NPAS3: variants seen among roughly 807,000 people sequenced by gnomAD.
NPAS3 encodes the protein neuronal PAS domain-containing protein 3.
NPAS3 carries 14 observed loss-of-function variants against 73.1 expected under a neutral mutation model. That is an observed-to-expected ratio of 0.19 (90% CI 0.13 to 0.30). The LOEUF (loss-of-function observed/expected upper bound fraction) is 0.30, where lower values mean the gene tolerates loss of function less well. NPAS3 is among the 10% of genes least tolerant of loss of function. The pLI is 1.00. For missense variants in NPAS3, 1,096 were observed against 1,250.0 expected, an observed-to-expected ratio of 0.88 and a Z score of 1.86; for synonymous variants, 620 against 541.5, an observed-to-expected ratio of 1.14 and a Z score of -2.01.
At chr14:33,040,902 A>C in intron 1 of NPAS3, among the ~76,000 whole-genome samples, 1 of 152,148 alleles carries the variant, frequency 6.6e-6, no homozygotes. Flanking sequence ...AAGCACCCGA[A>C]CTTCTCAATG....
At chr14:33,645,957 A>G (rs772938802) in intron 5 of NPAS3, among the ~76,000 whole-genome samples, 46 of 152,208 alleles carry the variant, frequency 3.0e-4, no homozygotes, top group Admixed American at 4.6e-4. Flanking sequence ...GAAGAAAGAG[A>G]AGTTAATGCC....
intron 3 of NPAS3, among the ~76,000 whole-genome samples, chr14:33,361,787 T>C (rs1458189357): frequency 6.6e-6 from 1 of 152,180 alleles, no homozygotes; most frequent in Non-Finnish European, 1.5e-5. Context: ...ATCCCCTAAA[T>C]AGGAATTTAA....
At chr14:33,403,514 A>G (rs1275802450) in intron 4 of NPAS3, among the ~76,000 whole-genome samples, 4 of 152,100 alleles carry the variant, frequency 2.6e-5, no homozygotes, top group African/African-American at 4.8e-5. Context: ...TAAATAGTTT[A>G]TGTCAGACAT....
intron 5 of NPAS3, chr14:33,582,220 C>G (rs888193488): frequency 6.6e-6 from 1 of 152,098 alleles, no homozygotes; most frequent in East Asian, 1.9e-4. Flanking sequence ...TTCTCATACC[C>G]TTAACGGAAC....
At chr14:33,488,663 A>T (rs2051734558) in intron 4 of NPAS3, among the ~76,000 whole-genome samples, 1 of 152,184 alleles carries the variant, frequency 6.6e-6, no homozygotes. Context: ...CTGTCCTATG[A>T]TGGGAATATT....
Position 33,689,368 on chromosome 14 carries a change from A to G in NPAS3, c.733+12983A>G, listed in dbSNP as rs151017309. ...AATGCTTAAAACAGTAGTACGGCAC[A>G]GAGTCAGTGTTCAGTTAGTATTATT... On this transcript the variant is annotated intron_variant, in intron 6 of 11. Transcript: ENST00000356141. 3.7e-3 allele frequency among the ~76,000 whole-genome samples: 568 copies of G among 152,358 alleles called. 4 individuals carry two copies. The highest frequency in any genetic ancestry group is 6.6e-3 in the Admixed American group (101 of 15,302).
upstream of NPAS3, among the ~76,000 whole-genome samples, chr14:32,939,006 G>A (rs2035834183): frequency 6.8e-6 from 1 of 146,086 alleles, no homozygotes; most frequent in African/African-American, 2.5e-5. Flanking sequence ...AGGCGGCGGC[G>A]GAAGCGGCGA....
intron 2 of NPAS3, among the ~76,000 whole-genome samples, chr14:33,192,481 T>G (rs1294451142): frequency 6.6e-6 from 1 of 152,216 alleles, no homozygotes; most frequent in Non-Finnish European, 1.5e-5. Context: ...CCAGAGTGGA[T>G]GCTGGAAGGT....
chr14:33,149,210 A>T (rs1001689033), intron 2 of NPAS3, among the ~76,000 whole-genome samples: 1 of 152,212 alleles, frequency 6.6e-6, no homozygotes, highest in Non-Finnish European at 1.5e-5. Context: ...TCCATAAGGT[A>T]TGTAAAGGAA....
intron 3 of NPAS3, among the ~76,000 whole-genome samples, chr14:33,219,949 A>G (rs1292212163): frequency 1.3e-5 from 2 of 152,174 alleles, no homozygotes; most frequent in Admixed American, 1.3e-4. Context: ...CTGTGTGCTG[A>G]CATACATTTA....
At position 33,480,722 on chromosome 14, in the gene NPAS3, C is replaced by T. The variant is rs373813222; in HGVS notation, c.469-79399C>T. Reference sequence around the variant, plus strand: ...TCTGTTTTTGGCAGGCATTTAAAACCCTGAAGACATAAACCTCACTTTGTC... The same window carrying T: ...TCTGTTTTTGGCAGGCATTTAAAACTCTGAAGACATAAACCTCACTTTGTC... On this transcript the variant is annotated intron_variant, in intron 4 of 11. Coordinates refer to ENST00000356141, the Ensembl canonical transcript of NPAS3. Among the ~76,000 whole-genome samples, 10 of 151,916 alleles carry T rather than the reference C, an allele frequency of 6.6e-5. No individual in the cohort carries two copies. The East Asian group carries it at 1.9e-3, about 29-fold the overall frequency.
chr14:33,684,072 G>A (rs1303411655), intron 6 of NPAS3, among the ~76,000 whole-genome samples: 1 of 152,068 alleles, frequency 6.6e-6, no homozygotes, highest in East Asian at 1.9e-4. Flanking sequence ...ACAATATTAG[G>A]GTTGCAGCAG....
chr14:32,953,201 A>G (rs747694336), intron 1 of NPAS3, among the ~76,000 whole-genome samples: 1 of 151,992 alleles, frequency 6.6e-6, no homozygotes, highest in South Asian at 2.1e-4. Flanking sequence ...TTTGGGATTT[A>G]TAGATGGCTA....
chr14:32,957,751 G>A (rs1029553217), intron 1 of NPAS3, among the ~76,000 whole-genome samples: 1 of 152,122 alleles, frequency 6.6e-6, no homozygotes, highest in Non-Finnish European at 1.5e-5. Flanking sequence ...AAAATTTTCA[G>A]TTTTGTTTAA....
Position 33,378,492 on chromosome 14 carries a change from T to G in NPAS3, c.468+11224T>G, listed in dbSNP as rs138924946. On this transcript the variant is annotated intron_variant, in intron 4 of 11. Coordinates refer to ENST00000356141, the Ensembl canonical transcript of NPAS3. Reference sequence around the variant, plus strand: ...CTCTGCTAAAAATACAAAAATTAGCTGGGTATGGTGGCACGTGCTTGTAAT... The same window carrying G: ...CTCTGCTAAAAATACAAAAATTAGCGGGGTATGGTGGCACGTGCTTGTAAT... 5.9e-5 allele frequency among the ~76,000 whole-genome samples: 9 copies of G among 151,972 alleles called. No homozygotes were observed. The East Asian group carries it at 1.7e-3, about 29-fold the overall frequency.
chr14:33,757,875 C>T (rs1036183353), intron 7 of NPAS3, among the ~76,000 whole-genome samples: 12 of 152,160 alleles, frequency 7.9e-5, no homozygotes, highest in African/African-American at 2.7e-4. Context: ...TGTGGAGAGG[C>T]CATTCCTTTT....
At position 33,354,456 on chromosome 14, in the gene NPAS3, C is replaced by G. The variant is rs571231277; in HGVS notation, c.386-12730C>G. Reference sequence around the variant, plus strand: ...TGCACTCAGGCTTTTGCTGGTTCCCCGCTTCTGCCTCTTTATAAATGCAGA... The same window carrying G: ...TGCACTCAGGCTTTTGCTGGTTCCCGGCTTCTGCCTCTTTATAAATGCAGA... On this transcript the variant is annotated intron_variant, in intron 3 of 11. Transcript: ENST00000356141. Among the ~76,000 whole-genome samples, 10 of 152,312 alleles carry G rather than the reference C, an allele frequency of 6.6e-5. No individual in the cohort carries two copies. The East Asian group carries it at 1.7e-3, about 26-fold the overall frequency.
At chr14:33,337,780 A>G (rs988587426) in intron 3 of NPAS3, among the ~76,000 whole-genome samples, 9 of 152,104 alleles carry the variant, frequency 5.9e-5, no homozygotes, top group Admixed American at 4.6e-4. Context: ...GTGTCAGTGT[A>G]CACACAGGTC....
chr14:33,219,831 A>T (rs143677229), intron 3 of NPAS3, among the ~76,000 whole-genome samples: 88 of 152,300 alleles, frequency 5.8e-4, no homozygotes, highest in Non-Finnish European at 9.3e-4. Context: ...ATAGCATTTT[A>T]TAAAATGGAT....
Sources: allele counts gnomAD v4.1 joint callset (sites outside exome capture counted in the v4.1 genomes callset), GRCh38; gene constraint gnomAD v4.1.1; transcripts MANE v1.5; gene names NCBI Gene and HGNC (gene_info 2026-07-23, HGNC 2026-07-21).